The following DAP variants were observed in gnomAD, a reference collection of about 807,000 sequenced individuals.
DAP encodes the protein death-associated protein 1.
A neutral mutation model predicts 13.8 loss-of-function variants in DAP; 8 were observed. The ratio of observed to expected loss-of-function variants is 0.58; its 90% CI spans 0.34 to 1.05. The LOEUF is 1.05. Among genes scored for constraint, DAP ranks in the 50% least tolerant of loss-of-function variants. The pLI is 0.03. For synonymous variants in DAP, 47 were observed against 47.5 expected (o/e 0.99, Z 0.04); for missense variants, 106 against 133.2 (o/e 0.80, Z 1.01).
At chr5:10,728,761 G>T (rs995784369) in intron 2 of DAP, among the ~76,000 whole-genome samples, 1 of 152,206 alleles carries the variant, frequency 6.6e-6, no homozygotes, top group African/African-American at 2.4e-5. Context: ...CCACGAAGAA[G>T]GTCTGGAGAG....
At position 10,680,454 on chromosome 5, in the gene DAP, A is replaced by C; in HGVS notation, c.*602T>G. ...ATTCTTTGGCATGTTGACTCCTGGAATTGAGGGGCTATTTCTAAGATGCAT... is the reference window on the plus strand; with the variant it reads ...ATTCTTTGGCATGTTGACTCCTGGACTTGAGGGGCTATTTCTAAGATGCAT... On this transcript the variant is annotated 3_prime_UTR_variant, in exon 4 of 4. Coordinates refer to ENST00000230895, the MANE Select transcript of DAP (RefSeq NM_004394.3). The C allele has an allele frequency of 2.1e-6, 1 of 469,536 alleles. No individual in the cohort carries two copies. Among genetic ancestry groups the C allele is most frequent in the Non-Finnish European group, 3.8e-6 (1 of 264,540 alleles). 29.1% of individuals were successfully genotyped at this position (469,536 alleles called of 1,614,324 possible).
intron 2 of DAP, among the ~76,000 whole-genome samples, chr5:10,688,512 CA>C (rs1738213786): frequency 6.6e-6 from 1 of 152,148 alleles, no homozygotes; most frequent in African/African-American, 2.4e-5. Context: ...CACTTTATCA[CA>C]ATATTTGCTT....
intron 2 of DAP, among the ~76,000 whole-genome samples, chr5:10,716,902 G>A (rs548694665): frequency 6.6e-6 from 1 of 152,308 alleles, no homozygotes; most frequent in Non-Finnish European, 1.5e-5. Flanking sequence ...TGGTTTTGGG[G>A]TTTCTGGAGT....
chr5:10,750,783 G>A (rs1005425903), intron 1 of DAP, among the ~76,000 whole-genome samples: 2 of 152,092 alleles, frequency 1.3e-5, no homozygotes, highest in African/African-American at 4.8e-5. Context: ...TCTTGTCCTG[G>A]GAGACTTGGA....
At chr5:10,688,362 A>G (rs540631933) in intron 2 of DAP, among the ~76,000 whole-genome samples, 23 of 152,238 alleles carry the variant, frequency 1.5e-4, no homozygotes, top group Non-Finnish European at 2.5e-4. Flanking sequence ...TCATTAGCAT[A>G]CAGAATTTTT....
chr5:10,755,388 A>T lies in DAP; in HGVS notation c.55+5626T>A, dbSNP rs143172566. Reference sequence around the variant, plus strand: ...CTCACCTCTAGAACTGTAACATAATAAAACTGTGTTGTTTAGAACCACTAA... The same window carrying T: ...CTCACCTCTAGAACTGTAACATAATTAAACTGTGTTGTTTAGAACCACTAA... On this transcript the variant is annotated intron_variant, in intron 1 of 3. Transcript: ENST00000230895. 3.2e-3 allele frequency among the ~76,000 whole-genome samples: 492 copies of T among 152,338 alleles called. 6 individuals are homozygous for T. Among genetic ancestry groups the T allele is most frequent in the African/African-American group, 0.011 (464 of 41,574 alleles).
intron 2 of DAP, among the ~76,000 whole-genome samples, chr5:10,687,928 T>TTTTTTTC (rs140341146): frequency 2.9e-5 from 4 of 139,432 alleles, no homozygotes; most frequent in African/African-American, 1.1e-4. Flanking sequence ...TTTTTTTTTT[T>TTTTTTTC]ACAGAGGGAG....
In DAP at chr5:10,759,438, C is replaced by A. The variant is rs116488012; in HGVS notation, c.55+1576G>T. On this transcript the variant is annotated intron_variant, in intron 1 of 3. Transcript: ENST00000230895. ...CAGTTATCCTTAAAAGAAATCCCAT[C>A]AAAAAAAAAACTCCCTTTGAAGTAC... Among the ~76,000 whole-genome samples, 435 of 148,216 alleles carry A rather than the reference C, an allele frequency of 2.9e-3. 4 individuals are homozygous for A. The highest frequency in any genetic ancestry group is 0.01 in the African/African-American group (412 of 40,470).
rs1737919928 is a variant in DAP at position 10,679,266 on chromosome 5, A to C, written c.*1790T>G. On this transcript the variant is annotated 3_prime_UTR_variant, in exon 4 of 4. Transcript: ENST00000230895. ...GCAGGAGCTTTATTATAAATCATTT[A>C]ATATTCTTGAAGTTAACAACTGATA... is the stretch of plus-strand genomic sequence containing the variant. 6.6e-6 allele frequency: 1 copy of C among 152,378 alleles called. No homozygotes were observed. The highest frequency in any genetic ancestry group is 1.5e-5 in the Non-Finnish European group (1 of 68,046). 9.4% of individuals were successfully genotyped at this position (152,378 alleles called of 1,614,324 possible).
At chr5:10,731,258 C>A (rs1324141318) in intron 2 of DAP, among the ~76,000 whole-genome samples, 4 of 149,984 alleles carry the variant, frequency 2.7e-5, no homozygotes, top group Non-Finnish European at 5.9e-5. Context: ...TACTGAGAGC[C>A]CTGGTGGGGG....
At chr5:10,722,587 CATATATACAT>C (rs1187558467) in intron 2 of DAP, among the ~76,000 whole-genome samples, 15 of 125,108 alleles carry the variant, frequency 1.2e-4, no homozygotes, top group South Asian at 2.6e-4. Context: ...CATATATATA[CATATATACAT>C]ATATATACAT....
intron 3 of DAP, among the ~76,000 whole-genome samples, chr5:10,682,420 C>T (rs1014582439): frequency 1.3e-5 from 2 of 150,536 alleles, no homozygotes; most frequent in Non-Finnish European, 1.5e-5. Flanking sequence ...AAGCCCCATA[C>T]CAGCGTCCCT....
intron 2 of DAP, among the ~76,000 whole-genome samples, chr5:10,690,859 C>T (rs950871771): frequency 5.3e-5 from 8 of 152,198 alleles, no homozygotes; most frequent in Admixed American, 5.2e-4. Context: ...AATCACCAAC[C>T]TGTTTTCCAC....
chr5:10,708,453 ACACACACACACG>A (rs1299963713), intron 2 of DAP, among the ~76,000 whole-genome samples: 2 of 149,846 alleles, frequency 1.3e-5, no homozygotes, highest in African/African-American at 4.9e-5. Context: ...ACACACACAC[ACACACACACACG>A]CACATATCTC....
At position 10,681,155 on chromosome 5, in the gene DAP, GA is replaced by G. The variant is rs748842516; in HGVS notation, c.209del (p.Phe70SerfsTer150). On this transcript the variant is annotated frameshift_variant, in exon 4 of 4. Transcript: ENST00000230895. LOFTEE classifies it high-confidence loss of function. ...GAGCCACCTGCGCAGCCGCCGGGGG[GA>G]AATCTTTGTCACCCTGTCAGGAAAC... The part of the protein sequence containing the change: ...SGVIARGDKD[F>X]PPAAAQVAHQ... The G allele has an allele frequency of 1.3e-6, 2 of 1,512,430 alleles. No homozygotes were observed. Among genetic ancestry groups the G allele is most frequent in the Admixed American group, 4.6e-5 (2 of 43,100 alleles). 93.7% of individuals were successfully genotyped at this position (1,512,430 alleles called of 1,614,324 possible).
intron 2 of DAP, among the ~76,000 whole-genome samples, chr5:10,688,586 T>C (rs904702339): frequency 2.6e-5 from 4 of 152,212 alleles, no homozygotes; most frequent in African/African-American, 4.8e-5. Flanking sequence ...ATATTCATTA[T>C]TGAAACGCAG....
chr5:10,760,480 GAA>G (rs139357578), intron 1 of DAP, among the ~76,000 whole-genome samples: 1 of 149,986 alleles, frequency 6.7e-6, no homozygotes, highest in African/African-American at 2.4e-5. Context: ...AACTTTGGGG[GAA>G]AAAAAAAATC....
chr5:10,750,396 T>G (rs1740017111), intron 1 of DAP, among the ~76,000 whole-genome samples: 2 of 152,088 alleles, frequency 1.3e-5, no homozygotes, highest in Non-Finnish European at 2.9e-5. Context: ...CAGCTGGCTG[T>G]TAGAAAAGGG....
In DAP at chr5:10,741,171, T is replaced by C. The variant is rs539261209; in HGVS notation, c.152+7004A>G. Among the ~76,000 whole-genome samples the C allele has an allele frequency of 8.2e-5, 12 of 146,564 alleles. No homozygotes were observed. In the South Asian group the frequency reaches 2.4e-3, roughly 30 times the overall value. The stretch of plus-strand genomic sequence containing the variant: ...TTTGAGACCAGCCTGGGCAATGTGG[T>C]GAGACCTGGTCTCTACAAAAAAAAT... On this transcript the variant is annotated intron_variant, in intron 2 of 3. Transcript: ENST00000230895.
Sources: allele counts gnomAD v4.1 joint callset (sites outside exome capture counted in the v4.1 genomes callset), GRCh38; gene constraint gnomAD v4.1.1; transcripts MANE v1.5; gene names NCBI Gene and HGNC (gene_info 2026-07-23, HGNC 2026-07-21).